Variants in ZNF385D observed in about 807,000 individuals in gnomAD.
ZNF385D encodes zinc finger protein 385D.
A neutral mutation model predicts 35.8 loss-of-function variants in ZNF385D; 15 were observed. The observed-to-expected ratio is 0.42, with a 90% confidence interval of 0.28 to 0.64. The LOEUF is 0.64. ZNF385D is among the 30% of genes least tolerant of loss of function. ZNF385D has a pLI of 0.23. For synonymous variants in ZNF385D, 212 were observed against 186.8 expected (o/e 1.13, Z -1.10); for missense variants, 474 against 494.6 (o/e 0.96, Z 0.39).
At chr3:21,770,244 T>G (rs184499564) in intron 3 of ZNF385D, among the ~76,000 whole-genome samples, 2 of 152,074 alleles carry the variant, frequency 1.3e-5, no homozygotes. Context: ...AAATGGGATC[T>G]AATTAAACTA....
chr3:22,050,751 A>C (rs1699302189), intron 3 of ZNF385D, among the ~76,000 whole-genome samples: 2 of 152,222 alleles, frequency 1.3e-5, no homozygotes, highest in African/African-American at 4.8e-5. Context: ...ATTGTGTATT[A>C]TGTATTTGTT....
At chr3:21,709,461 C>A (rs988531676) in intron 1 of ZNF385D, among the ~76,000 whole-genome samples, 1 of 151,604 alleles carries the variant, frequency 6.6e-6, no homozygotes, top group Non-Finnish European at 1.5e-5. Flanking sequence ...TCTCAGGCAA[C>A]TTCATACCTC....
intron 2 of ZNF385D, among the ~76,000 whole-genome samples, chr3:22,319,113 C>T (rs892615838): frequency 1.3e-5 from 2 of 151,984 alleles, no homozygotes; most frequent in East Asian, 1.9e-4. Flanking sequence ...TATCATAAAG[C>T]CGCCCAATAT....
At chr3:21,794,737 G>A (rs1480764473) in intron 3 of ZNF385D, among the ~76,000 whole-genome samples, 1 of 152,138 alleles carries the variant, frequency 6.6e-6, no homozygotes, top group Non-Finnish European at 1.5e-5. Context: ...TTTTAAAGCT[G>A]CTGCTGCTTA....
chr3:21,496,555 CAT>C (rs199878493), intron 4 of ZNF385D, among the ~76,000 whole-genome samples: 5 of 130,718 alleles, frequency 3.8e-5, no homozygotes, highest in Non-Finnish European at 7.8e-5. Flanking sequence ...TATATACACA[CAT>C]ATATTTGATA....
At position 22,164,247 on chromosome 3, in the gene ZNF385D, T is replaced by TTTG. The variant is rs1348547943; in HGVS notation, c.325+4569_325+4570insCAA. Among the ~76,000 whole-genome samples, 140 of 93,462 alleles carry TTTG rather than the reference T, an allele frequency of 1.5e-3. 3 individuals carry two copies. The highest frequency in any genetic ancestry group is 7.0e-3 in the African/African-American group (116 of 16,644). 61.3% of individuals were successfully genotyped at this position (93,462 alleles called of 152,430 possible). On this transcript the variant is annotated intron_variant, in intron 3 of 5. Transcript: ENST00000494108. ...TTTTTTTTTTTTTTTTTTTTTTTTTTGAGACGGGGTCTCACTCTGTTGCCA... is the reference window on the plus strand; with the variant it reads ...TTTTTTTTTTTTTTTTTTTTTTTTTTTTGGAGACGGGGTCTCACTCTGTTGCCA...
At chr3:22,275,618 T>A (rs1701387620) in intron 2 of ZNF385D, among the ~76,000 whole-genome samples, 1 of 152,150 alleles carries the variant, frequency 6.6e-6, no homozygotes, top group African/African-American at 2.4e-5. Context: ...CATATTTCAA[T>A]TTTAGTAAAA....
In ZNF385D at chr3:21,660,299, C is replaced by T. The variant is rs994531933; in HGVS notation, c.165+4587G>A. On this transcript the variant is annotated intron_variant, in intron 2 of 7. Coordinates refer to ENST00000281523, the MANE Select transcript of ZNF385D (RefSeq NM_024697.3). ...GCAAAAGTTATCCTCTTTTATTGCT[C>T]TTTTTTCTGCCTCTCTACTTCCTAT... 8.5e-5 allele frequency among the ~76,000 whole-genome samples: 13 copies of T among 152,200 alleles called. No individual in the cohort carries two copies. In the East Asian group the frequency reaches 1.5e-3, roughly 18 times the overall value.
intron 2 of ZNF385D, among the ~76,000 whole-genome samples, chr3:22,214,846 G>A (rs144889109): frequency 0.015 from 2,278 of 151,926 alleles, 69 homozygotes; most frequent in East Asian, 0.11. Flanking sequence ...CTGTAATCTC[G>A]CCCTGCCTCC....
rs757473490 is a variant in ZNF385D at position 21,425,617 on chromosome 3, C to T, written c.727G>A (p.Ala243Thr). The change falls in exon 6 of 8, where the codon GCC (alanine) becomes ACC (threonine). Residue 243 changes from alanine (A) to threonine (T), a missense_variant. Coordinates refer to ENST00000281523, the MANE Select transcript of ZNF385D (RefSeq NM_024697.3). ...EARNGSGTIKAFPRAGVKGKG... is the reference protein window; with the variant it reads ...EARNGSGTIKTFPRAGVKGKG... ...CCTTTCACTCCTGCCCTAGGAAAGGCTTTGATAGTGCCACTTCCATTCCGG... is the reference window on the plus strand; with the variant it reads ...CCTTTCACTCCTGCCCTAGGAAAGGTTTTGATAGTGCCACTTCCATTCCGG... 2.1e-5 allele frequency: 34 copies of T among 1,602,870 alleles called. No individual in the cohort carries two copies. Among genetic ancestry groups the T allele is most frequent in the Non-Finnish European group, 2.9e-5 (34 of 1,174,178 alleles).
At chr3:22,326,172 G>C (rs1054670943) in intron 2 of ZNF385D, among the ~76,000 whole-genome samples, 2 of 152,144 alleles carry the variant, frequency 1.3e-5, no homozygotes, top group African/African-American at 2.4e-5. Flanking sequence ...TTAAACCAGA[G>C]GAAAGGCAAT....
chr3:22,061,889 G>A (rs932072403), intron 3 of ZNF385D, among the ~76,000 whole-genome samples: 1 of 152,146 alleles, frequency 6.6e-6, no homozygotes. Context: ...AGTGTAAGAT[G>A]TATGAAGGCA....
At chr3:21,812,973 T>A (rs1446727392) in intron 3 of ZNF385D, among the ~76,000 whole-genome samples, 1 of 152,106 alleles carries the variant, frequency 6.6e-6, no homozygotes, top group East Asian at 1.9e-4. Context: ...CTCATACAGC[T>A]GGGTGCGCCT....
intron 2 of ZNF385D, among the ~76,000 whole-genome samples, chr3:22,234,170 C>A (rs533994220): frequency 6.6e-6 from 1 of 152,232 alleles, no homozygotes; most frequent in African/African-American, 2.4e-5. Flanking sequence ...ACTTTCCATA[C>A]TCATCATATT....
chr3:21,434,911 T>C (rs1330187339), intron 5 of ZNF385D, among the ~76,000 whole-genome samples: 2 of 152,114 alleles, frequency 1.3e-5, no homozygotes. Flanking sequence ...AACACTCTTA[T>C]AAGGGAATTC....
At chr3:21,990,564 T>C (rs1390158801) in intron 3 of ZNF385D, among the ~76,000 whole-genome samples, 4 of 152,236 alleles carry the variant, frequency 2.6e-5, no homozygotes. Flanking sequence ...TTATCAGTAA[T>C]TATATTTGTA....
chr3:21,931,775 C>T (rs1232401538), intron 3 of ZNF385D, among the ~76,000 whole-genome samples: 1 of 152,126 alleles, frequency 6.6e-6, no homozygotes, highest in African/African-American at 2.4e-5. Context: ...AATGTTTATA[C>T]AACTCTGTAA....
chr3:22,265,575 C>T (rs79812301), intron 2 of ZNF385D, among the ~76,000 whole-genome samples: 2,518 of 152,008 alleles, frequency 0.017, 35 homozygotes, highest in Non-Finnish European at 0.026. Context: ...ACCTAACACA[C>T]GCTATCAAAT....
intron 3 of ZNF385D, among the ~76,000 whole-genome samples, chr3:21,872,998 A>G (rs901067636): frequency 6.6e-6 from 1 of 152,172 alleles, no homozygotes; most frequent in African/African-American, 2.4e-5. Flanking sequence ...ATTTATGTAC[A>G]AAGAAAGCAC....
Sources: allele counts gnomAD v4.1 joint callset (sites outside exome capture counted in the v4.1 genomes callset), GRCh38; gene constraint gnomAD v4.1.1; transcripts MANE v1.5; gene names NCBI Gene and HGNC (gene_info 2026-07-23, HGNC 2026-07-21).